Variants in NDRG3 observed in about 807,000 individuals in gnomAD.
NDRG3 encodes the protein NDRG family member 3.
In NDRG3, 23 loss-of-function variants were observed where a neutral mutation model predicts 57.2. That is an observed-to-expected ratio of 0.40 (90% confidence interval 0.29 to 0.57). NDRG3 has a LOEUF of 0.57. Among genes scored for constraint, NDRG3 ranks in the 20% least tolerant of loss-of-function variants. The pLI is 0.42. For missense variants in NDRG3, 384 were observed against 457.3 expected (o/e 0.84, Z 1.46); for synonymous variants, 132 against 162.6 (o/e 0.81, Z 1.43).
chr20:36,687,701 T>TC, intron 4 of NDRG3, 89 bp from the exon 5 acceptor site: 1 of 1,441,520 alleles, frequency 6.9e-7, no homozygotes, highest in Non-Finnish European at 9.3e-7. Flanking sequence ...TCACCTTCTT[T>TC]CCCTGCTTTT....
intron 3 of NDRG3, among the ~76,000 whole-genome samples, chr20:36,702,373 T>C (rs1983287443): frequency 6.6e-6 from 1 of 152,098 alleles, no homozygotes; most frequent in Non-Finnish European, 1.5e-5. Flanking sequence ...CCTGACCTCA[T>C]GATCCGCCCA....
rs573354122 is a variant in NDRG3 at position 36,738,127 on chromosome 20, TAA to T, written c.-49+7916_-49+7917del. Reference sequence around the variant, plus strand: ...GGTATCGTTATTATCATTACTACTTTAATATGAGACTTGTACCTACCTGGGGG... The same window carrying T: ...GGTATCGTTATTATCATTACTACTTTTATGAGACTTGTACCTACCTGGGGG... On this transcript the variant is annotated intron_variant, in intron 1 of 15. Transcript: ENST00000349004. Among the ~76,000 whole-genome samples the T allele has an allele frequency of 2.2e-3, 336 of 152,192 alleles. 1 individual carries two copies. The highest frequency in any genetic ancestry group is 3.8e-3 in the Non-Finnish European group (261 of 68,008).
intron 3 of NDRG3, among the ~76,000 whole-genome samples, chr20:36,705,334 AAAGAAAAG>A (rs1568656270): frequency 7.3e-6 from 1 of 136,854 alleles, no homozygotes; most frequent in Non-Finnish European, 1.6e-5. Context: ...AAAAAAAAAA[AAAGAAAAG>A]AAAAGAAAAG....
chr20:36,725,214 T>C (rs1357464446), intron 1 of NDRG3, among the ~76,000 whole-genome samples: 1 of 152,066 alleles, frequency 6.6e-6, no homozygotes, highest in Non-Finnish European at 1.5e-5. Context: ...GGAGAATTGC[T>C]TGATCCTTGG....
Position 36,668,047 on chromosome 20 carries a change from G to A in NDRG3, c.589-1655C>T, listed in dbSNP as rs6093245. 6.2e-3 allele frequency among the ~76,000 whole-genome samples: 946 copies of A among 152,172 alleles called. 10 individuals are homozygous for A. Among genetic ancestry groups the A allele is most frequent in the African/African-American group, 0.021 (886 of 41,510 alleles). On this transcript the variant is annotated intron_variant, in intron 9 of 15. Transcript: ENST00000349004. Reference sequence around the variant, plus strand: ...TTGAGGCCAGGAGTTTGAGACCAGCGTGGGTTAACATAGTGAGACCCCCAT... The same window carrying A: ...TTGAGGCCAGGAGTTTGAGACCAGCATGGGTTAACATAGTGAGACCCCCAT...
At chr20:36,698,438 A>T (rs1568651868) in intron 3 of NDRG3, among the ~76,000 whole-genome samples, 1 of 152,068 alleles carries the variant, frequency 6.6e-6, no homozygotes, top group African/African-American at 2.4e-5. Flanking sequence ...AAAAATTTTT[A>T]AAAAATAGCC....
intron 13 of NDRG3, among the ~76,000 whole-genome samples, chr20:36,657,316 C>T (rs1226623490): frequency 2.6e-5 from 4 of 151,964 alleles, no homozygotes; most frequent in Non-Finnish European, 4.4e-5. Context: ...GGTGAAACTC[C>T]ATCTCTACTA....
Position 36,653,606 on chromosome 20 carries a change from T to G in NDRG3, c.1042A>C (p.Thr348Pro). Reference protein sequence around the residue: ...SGESPFSRSVTSNQSDGTQES... With the variant: ...SGESPFSRSVPSNQSDGTQES... ...TGAGTTCCATCTGACTGATTGCTGG[T>G]GACAGACCGGCTGAAGGGACTTTCT... is the stretch of plus-strand genomic sequence containing the variant. The change falls in exon 16 of 16, where the codon ACC becomes CCC. Residue 348 changes from threonine to proline, a missense_variant. Physicochemically the swap from Thr to Pro is conservative, Grantham distance 38. Coordinates refer to ENST00000349004, the MANE Select transcript of NDRG3 (RefSeq NM_032013.4). The surrounding 1 kb of genome is among the most constrained non-coding windows in gnomAD (Gnocchi z 4.2). 1 of 1,614,190 alleles carries G rather than the reference T, an allele frequency of 6.2e-7. No homozygotes were observed.
chr20:36,693,912 A>C (rs183923935), intron 3 of NDRG3, among the ~76,000 whole-genome samples: 64 of 152,162 alleles, frequency 4.2e-4, no homozygotes, highest in Admixed American at 9.8e-4. Context: ...GAATCATCCC[A>C]AAACCATCCC....
chr20:36,668,546 AT>A (rs1255975688), intron 9 of NDRG3: 2 of 152,088 alleles, frequency 1.3e-5, no homozygotes, highest in East Asian at 1.9e-4. Context: ...TTTATTTTTA[AT>A]TTTTATTATC....
chr20:36,698,462 C>A (rs1485494891), intron 3 of NDRG3, among the ~76,000 whole-genome samples: 1 of 151,938 alleles, frequency 6.6e-6, no homozygotes, highest in Non-Finnish European at 1.5e-5. Context: ...CCTGGTGGTG[C>A]ATGCCTGTGG....
chr20:36,666,753 T>A (rs1283956621), intron 9 of NDRG3, among the ~76,000 whole-genome samples: 1 of 152,216 alleles, frequency 6.6e-6, no homozygotes, highest in Non-Finnish European at 1.5e-5. Context: ...TAACCAGCTA[T>A]CTGACAAGGC....
At chr20:36,733,737 G>A (rs1222012761) in intron 1 of NDRG3, among the ~76,000 whole-genome samples, 3 of 151,686 alleles carry the variant, frequency 2.0e-5, no homozygotes, top group Non-Finnish European at 4.4e-5. Context: ...ACAGAATGAC[G>A]GCAACAAACA....
At chr20:36,688,151 G>A (rs1381558784) in intron 4 of NDRG3, among the ~76,000 whole-genome samples, 1 of 152,210 alleles carries the variant, frequency 6.6e-6, no homozygotes, top group East Asian at 1.9e-4. Context: ...CTCAACTGTG[G>A]CCTCAAATGC....
intron 3 of NDRG3, among the ~76,000 whole-genome samples, chr20:36,703,421 C>CCTATCTATCTATCTATCTAT: frequency 6.8e-6 from 1 of 147,014 alleles, no homozygotes; most frequent in African/African-American, 2.5e-5. Context: ...TATGTAATAT[C>CCTATCTATCTATCTATCTAT]CTATCTATCT....
intron 3 of NDRG3, among the ~76,000 whole-genome samples, chr20:36,698,417 C>T (rs913336592): frequency 1.3e-5 from 2 of 151,952 alleles, no homozygotes; most frequent in South Asian, 2.1e-4. Flanking sequence ...TGGTGAGACC[C>T]TGTCTCTACA....
At chr20:36,696,237 C>T (rs1044213928) in intron 3 of NDRG3, among the ~76,000 whole-genome samples, 23 of 150,662 alleles carry the variant, frequency 1.5e-4, no homozygotes, top group African/African-American at 5.6e-4. Context: ...GCTGGGATTA[C>T]AGGTGTGCAT....
intron 5 of NDRG3, among the ~76,000 whole-genome samples, chr20:36,686,142 G>A (rs1490545098): frequency 6.6e-6 from 1 of 152,214 alleles, no homozygotes; most frequent in African/African-American, 2.4e-5. Flanking sequence ...TTAAGGGGAT[G>A]GTGTGCTGTG....
intron 3 of NDRG3, among the ~76,000 whole-genome samples, chr20:36,704,351 A>G (rs1650813021): frequency 6.6e-6 from 1 of 152,172 alleles, no homozygotes; most frequent in African/African-American, 2.4e-5. Context: ...CTGGGATTAC[A>G]GGCGTTAGCC....
Sources: gnomAD v4.1 joint callset for allele counts (sites outside exome capture counted in the v4.1 genomes callset) on GRCh38, gnomAD v4.1.1 for gene constraint, Gnocchi (gnomAD v3.1) non-coding constraint, MANE v1.5 for transcripts, NCBI Gene and HGNC (gene_info 2026-07-23, HGNC 2026-07-21) for gene names.